The following TMEM40 variants were observed in gnomAD, a reference collection of about 807,000 sequenced individuals.
TMEM40 encodes the protein transmembrane protein 40.
In TMEM40, 34 loss-of-function variants were observed where a neutral mutation model predicts 40.8. The ratio of observed to expected loss-of-function variants is 0.83; its 90% CI spans 0.63 to 1.11. The LOEUF (loss-of-function observed/expected upper bound fraction) is 1.11, where lower values mean the gene tolerates loss of function less well. Ranked by LOEUF, TMEM40 falls within the 50% of genes least tolerant of loss-of-function variation. TMEM40 has a pLI of 0.00. For missense variants in TMEM40, 296 were observed against 280.2 expected (o/e 1.06, Z -0.40); for synonymous variants, 106 against 107.0 (o/e 0.99, Z 0.06).
At chr3:12,736,549 T>C (rs1298608799) in intron 10 of TMEM40, 29 bp downstream of exon 10, 3 of 1,547,228 alleles carry the variant, frequency 1.9e-6, no homozygotes, top group Admixed American at 2.0e-5. Context: ...AGAGACTGTG[T>C]GTGTGTCCAT....
At chr3:12,763,117 G>C (rs1419307128), upstream of TMEM40, among the ~76,000 whole-genome samples, 3 of 136,138 alleles carry the variant, frequency 2.2e-5, no homozygotes, top group African/African-American at 8.4e-5. Context: ...CCGAGATCGC[G>C]CCACTGCACT....
At chr3:12,738,085 G>C in intron 7 of TMEM40, 51 bp downstream of exon 7, 1 of 1,609,256 alleles carries the variant, frequency 6.2e-7, no homozygotes, top group Non-Finnish European at 8.5e-7. Context: ...CCAACCCATC[G>C]TCTGGAATCC....
At chr3:12,763,076 C>T (rs955145529), upstream of TMEM40, among the ~76,000 whole-genome samples, 16 of 142,792 alleles carry the variant, frequency 1.1e-4, no homozygotes, top group African/African-American at 4.2e-4. Flanking sequence ...AGGAGAATGG[C>T]GTGAATCCGG....
intron 1 of TMEM40, among the ~76,000 whole-genome samples, chr3:12,754,140 G>A (rs1022825784): frequency 1.3e-5 from 2 of 152,106 alleles, no homozygotes; most frequent in African/African-American, 2.4e-5. Context: ...GTGAAACCCC[G>A]TCTCTACTAA....
intron 1 of TMEM40, among the ~76,000 whole-genome samples, chr3:12,764,908 A>G (rs2106624887): frequency 6.6e-6 from 1 of 152,048 alleles, no homozygotes; most frequent in East Asian, 1.9e-4. Flanking sequence ...GTCTCACTCT[A>G]TTGCCCAGGG....
rs1439097537 is a variant in TMEM40 at position 12,733,726 on chromosome 3, C to T, written c.*1048G>A. The T allele has an allele frequency of 6.6e-6, 1 of 151,834 alleles. No individual in the cohort carries two copies. The highest frequency in any genetic ancestry group is 2.4e-5 in the African/African-American group (1 of 41,292). The allele number at this position is 151,834 out of a possible 1,614,324, so 9.4% of individuals were successfully genotyped here. A position where few individuals can be genotyped will look rare whatever the true frequency, so the allele number is the denominator to read the frequency against. ...GATATCAATCACATAGCATGGTGAC[C>T]ATAGTTAATAACAATGTATTGTATA... On this transcript the variant is annotated 3_prime_UTR_variant, in exon 12 of 12. Transcript: ENST00000314124.
intron 4 of TMEM40, among the ~76,000 whole-genome samples, chr3:12,743,244 G>A (rs2061397060): frequency 6.6e-6 from 1 of 152,240 alleles, no homozygotes; most frequent in East Asian, 1.9e-4. Flanking sequence ...AAGGTGGGTA[G>A]ATCACTTGAG....
At chr3:12,761,222 G>A (rs532619017), upstream of TMEM40, among the ~76,000 whole-genome samples, 5 of 152,346 alleles carry the variant, frequency 3.3e-5, no homozygotes, top group East Asian at 9.6e-4. Context: ...GGGGAGAGGA[G>A]GAAGCAAGAG....
upstream of TMEM40, among the ~76,000 whole-genome samples, chr3:12,764,069 C>T (rs1397017332): frequency 3.3e-5 from 5 of 152,068 alleles, no homozygotes; most frequent in Non-Finnish European, 5.9e-5. Context: ...GCACCCACCA[C>T]ACCTGGCTAA....
intron 7 of TMEM40, 189 bp from the exon 8 acceptor site, chr3:12,737,943 C>T (rs2061349962): frequency 2.1e-6 from 2 of 932,190 alleles, no homozygotes; most frequent in Admixed American, 2.2e-5. Context: ...CTTCCTCCTC[C>T]TTCCTTAGGC....
At chr3:12,747,949 T>A (rs1269168414) in intron 3 of TMEM40, among the ~76,000 whole-genome samples, 2 of 146,988 alleles carry the variant, frequency 1.4e-5, no homozygotes, top group Non-Finnish European at 3.0e-5. Flanking sequence ...TGCTATTGGA[T>A]GTTGTTCCTC....
chr3:12,753,098 G>A (rs966550246), intron 1 of TMEM40, among the ~76,000 whole-genome samples: 2 of 152,058 alleles, frequency 1.3e-5, no homozygotes, highest in African/African-American at 4.8e-5. Flanking sequence ...GGGGAGGAAT[G>A]GAACCATCAC....
intron 4 of TMEM40, 146 bp from the exon 5 acceptor site, chr3:12,742,653 C>T (rs992493070): frequency 3.6e-6 from 3 of 837,588 alleles, no homozygotes; most frequent in Admixed American, 2.4e-5. Context: ...GGCAAGGCAG[C>T]ACAAGTACCT....
In TMEM40 at chr3:12,734,666, G is replaced by A; in HGVS notation, c.*108C>T. ...GAAAAGTGTTCTGTTTATTGGTCTG[G>A]CTTGGTCTCCTGTGCGTCTCTCAGA... is the stretch of plus-strand genomic sequence containing the variant. On this transcript the variant is annotated 3_prime_UTR_variant, in exon 12 of 12. Coordinates refer to ENST00000314124, the MANE Select transcript of TMEM40 (RefSeq NM_018306.4). The A allele has an allele frequency of 3.9e-6, 5 of 1,268,634 alleles. No individual in the cohort carries two copies. Among genetic ancestry groups the A allele is most frequent in the Non-Finnish European group, 5.5e-6 (5 of 903,126 alleles). 78.6% of individuals were successfully genotyped at this position (1,268,634 alleles called of 1,614,324 possible). A position where few individuals can be genotyped will look rare whatever the true frequency, so the allele number is the denominator to read the frequency against.
At chr3:12,755,688 C>T (rs764878510) in intron 1 of TMEM40, among the ~76,000 whole-genome samples, 3 of 152,168 alleles carry the variant, frequency 2.0e-5, no homozygotes, top group Non-Finnish European at 4.4e-5. Flanking sequence ...CCCTGATGTG[C>T]ACCCTTGGCT....
At chr3:12,763,159 CAAAAAAA>C (rs536186442), upstream of TMEM40, among the ~76,000 whole-genome samples, 9 of 56,240 alleles carry the variant, frequency 1.6e-4, no homozygotes, top group East Asian at 3.6e-3. Flanking sequence ...GACTCTGTCT[CAAAAAAA>C]AAAAAAAAAA....
chr3:12,738,383 T>C (rs150273900), intron 6 of TMEM40, among the ~76,000 whole-genome samples, 170 bp downstream of exon 6: 2 of 152,338 alleles, frequency 1.3e-5, no homozygotes, highest in East Asian at 1.9e-4. Flanking sequence ...CCCTGCTTCA[T>C]GCCACAGCTG....
chr3:12,736,482 C>A, intron 10 of TMEM40, 96 bp downstream of exon 10: 2 of 1,443,812 alleles, frequency 1.4e-6, no homozygotes, highest in Non-Finnish European at 1.9e-6. Context: ...GATTGTGACT[C>A]TCTGGTCCAT....
At chr3:12,743,856 G>A in intron 4 of TMEM40, 44 bp downstream of exon 4, 1 of 1,579,110 alleles carries the variant, frequency 6.3e-7, no homozygotes, top group South Asian at 1.1e-5. Context: ...AAACTCAACG[G>A]TGAGCGAGTG....
Sources: gnomAD v4.1 joint callset for allele counts (sites outside exome capture counted in the v4.1 genomes callset) on GRCh38, gnomAD v4.1.1 for gene constraint, MANE v1.5 for transcripts, NCBI Gene and HGNC (gene_info 2026-07-23, HGNC 2026-07-21) for gene names.